Variants in SIAH1 observed in about 807,000 individuals in gnomAD.
The protein encoded by SIAH1 is siah E3 ubiquitin protein ligase 1.
In SIAH1, 2 loss-of-function variants were observed where a neutral mutation model predicts 20.0. That is an observed-to-expected ratio of 0.10 (90% CI 0.04 to 0.31). SIAH1 has a LOEUF of 0.31. Among genes scored for constraint, SIAH1 ranks in the 10% least tolerant of loss-of-function variants. The probability of loss-of-function intolerance (pLI) is 1.00; values close to 1 mark genes in which losing one functional copy is unlikely to be tolerated. For missense variants in SIAH1, 119 were observed against 355.3 expected (o/e 0.33, Z 5.35); for synonymous variants, 118 against 125.3 (o/e 0.94, Z 0.39).
At chr16:48,378,217 G>A (rs542446900) in intron 1 of SIAH1, among the ~76,000 whole-genome samples, 1 of 152,286 alleles carries the variant, frequency 6.6e-6, no homozygotes, top group South Asian at 2.1e-4. Flanking sequence ...GCCAAGTGTG[G>A]TGGTGCATGC....
upstream of SIAH1, among the ~76,000 whole-genome samples, chr16:48,386,141 G>A (rs1961459474): frequency 6.6e-6 from 1 of 152,200 alleles, no homozygotes; most frequent in African/African-American, 2.4e-5. Context: ...ATTCTTTGAT[G>A]GGTGCTATGA....
intron 1 of SIAH1, among the ~76,000 whole-genome samples, chr16:48,366,272 C>CGTAGG (rs1204032594): frequency 6.6e-6 from 1 of 152,272 alleles, no homozygotes; most frequent in African/African-American, 2.4e-5. Flanking sequence ...GCCACACTGG[C>CGTAGG]GCTACGCTCC....
intron 1 of SIAH1, among the ~76,000 whole-genome samples, chr16:48,384,219 C>T (rs1961374501): frequency 6.6e-6 from 1 of 152,170 alleles, no homozygotes; most frequent in Admixed American, 6.5e-5. Context: ...ACAGTCAGAA[C>T]ACCGTCCCAT....
At chr16:48,378,778 C>G (rs1961178154) in intron 1 of SIAH1, among the ~76,000 whole-genome samples, 1 of 152,206 alleles carries the variant, frequency 6.6e-6, no homozygotes, top group South Asian at 2.1e-4. Flanking sequence ...TCCAGCAACA[C>G]TCCTCAGGTC....
intron 1 of SIAH1, among the ~76,000 whole-genome samples, chr16:48,381,951 A>G (rs4785517): frequency 0.99 from 150,867 of 152,278 alleles, 74,747 homozygotes; most frequent in Non-Finnish European, 1. Context: ...TTACACGTGT[A>G]GGGGCAGGGG....
At chr16:48,370,725 G>A (rs1057485067) in intron 1 of SIAH1, among the ~76,000 whole-genome samples, 2 of 151,162 alleles carry the variant, frequency 1.3e-5, no homozygotes. Flanking sequence ...AGAATGGCGT[G>A]AATCCGGGAG....
intron 1 of SIAH1, among the ~76,000 whole-genome samples, chr16:48,381,083 C>T (rs1411481770): frequency 6.6e-6 from 1 of 151,952 alleles, no homozygotes; most frequent in Non-Finnish European, 1.5e-5. Flanking sequence ...TCTTACAAAA[C>T]TAAAGATACT....
chr16:48,365,667 A>T, intron 1 of SIAH1: 1 of 1,430,402 alleles, frequency 7.0e-7, no homozygotes, highest in Non-Finnish European at 9.1e-7. Context: ...GGAGGCAACC[A>T]CACCTCCCTG....
Position 48,361,561 on chromosome 16 carries a change from A to G in SIAH1, c.*19T>C, listed in dbSNP as rs1468472985. ...AACTGAAGTTTTAAACACTGGCCAG[A>G]AAATGTTTGATTGCCATTTCAACAC... On this transcript the variant is annotated 3_prime_UTR_variant, in exon 2 of 2. Coordinates refer to ENST00000394725, the MANE Select transcript of SIAH1 (RefSeq NM_003031.4). 1.9e-6 allele frequency: 3 copies of G among 1,608,036 alleles called. No homozygotes were observed. In the South Asian group the frequency reaches 3.3e-5, roughly 18 times the overall value.
intron 1 of SIAH1, among the ~76,000 whole-genome samples, chr16:48,369,269 CAGA>C (rs1229636210): frequency 1.3e-5 from 2 of 152,130 alleles, no homozygotes; most frequent in African/African-American, 2.4e-5. Flanking sequence ...TTTGCAGCTA[CAGA>C]AGAAGTTACA....
chr16:48,374,507 G>A (rs1294290906), intron 1 of SIAH1, among the ~76,000 whole-genome samples: 3 of 152,184 alleles, frequency 2.0e-5, no homozygotes, highest in African/African-American at 7.2e-5. Context: ...TGGAAGATAA[G>A]CTCTTCAAAT....
At chr16:48,372,790 G>GT in intron 1 of SIAH1, among the ~76,000 whole-genome samples, 1 of 152,256 alleles carries the variant, frequency 6.6e-6, no homozygotes, top group African/African-American at 2.4e-5. Flanking sequence ...TTTCATAACC[G>GT]TAAGTCAATC....
chr16:48,365,902 C>A (rs1168900134), intron 1 of SIAH1: 2 of 1,230,622 alleles, frequency 1.6e-6, no homozygotes, highest in South Asian at 8.3e-5. Flanking sequence ...GCCTGCCTGC[C>A]GGGAGAGCCA....
chr16:48,372,803 A>G (rs776113389), intron 1 of SIAH1, among the ~76,000 whole-genome samples: 66 of 152,324 alleles, frequency 4.3e-4, no homozygotes, highest in Non-Finnish European at 5.7e-4. Flanking sequence ...AGTCAATCCC[A>G]TAAGTGCAGT....
intron 1 of SIAH1, among the ~76,000 whole-genome samples, chr16:48,382,151 C>T (rs572467540): frequency 6.6e-5 from 10 of 152,154 alleles, no homozygotes; most frequent in African/African-American, 2.4e-4. Flanking sequence ...CCGAGGTGGG[C>T]GGATTACTTG....
intron 1 of SIAH1, among the ~76,000 whole-genome samples, chr16:48,371,288 C>G (rs1370518091): frequency 6.6e-6 from 1 of 152,102 alleles, no homozygotes; most frequent in Non-Finnish European, 1.5e-5. Flanking sequence ...GAAATAAATA[C>G]GAGCACAGCC....
chr16:48,369,197 T>C (rs1362868726), intron 1 of SIAH1, among the ~76,000 whole-genome samples: 1 of 152,184 alleles, frequency 6.6e-6, no homozygotes, highest in Admixed American at 6.5e-5. Context: ...AATAAAATGA[T>C]TTCTTAAAAA....
At position 48,368,877 on chromosome 16, in the gene SIAH1, CTTAA is replaced by C. The variant is rs972000304; in HGVS notation, c.-2-6451_-2-6448del. ...CAAATTTGCTCTTTCCATTAGAAAT[CTTAA>C]TTAAATAAAACTCCTCCATTCAAAA... On this transcript the variant is annotated intron_variant, in intron 1 of 1. Transcript: ENST00000394725. Among the ~76,000 whole-genome samples the C allele has an allele frequency of 7.2e-5, 11 of 152,232 alleles. No homozygotes were observed. In the South Asian group the frequency reaches 1.5e-3, roughly 20 times the overall value.
intron 1 of SIAH1, among the ~76,000 whole-genome samples, chr16:48,373,709 C>T (rs1169061332): frequency 6.6e-6 from 1 of 152,122 alleles, no homozygotes; most frequent in South Asian, 2.1e-4. Flanking sequence ...CGTTTTATAT[C>T]AGATGACATA....
Sources: gnomAD v4.1 joint callset for allele counts (sites outside exome capture counted in the v4.1 genomes callset) on GRCh38, gnomAD v4.1.1 for gene constraint, MANE v1.5 for transcripts, NCBI Gene and HGNC (gene_info 2026-07-23, HGNC 2026-07-21) for gene names.